Variants in KRT27 observed in about 807,000 individuals in gnomAD.
KRT27 encodes the protein keratin 27.
KRT27 carries 30 observed loss-of-function variants against 45.3 expected under a neutral mutation model. That is an observed-to-expected ratio of 0.66 (90% CI 0.50 to 0.90). The LOEUF (loss-of-function observed/expected upper bound fraction) is 0.90, where lower values mean the gene tolerates loss of function less well. KRT27 is among the 40% of genes least tolerant of loss of function. KRT27 has a pLI of 0.00. For missense variants in KRT27, 610 were observed against 564.3 expected, an observed-to-expected ratio of 1.08 and a Z score of -0.82; for synonymous variants, 204 against 223.9, an observed-to-expected ratio of 0.91 and a Z score of 0.79.
Position 40,782,039 on chromosome 17 carries a change from G to A in KRT27, c.444+11C>T, listed in dbSNP as rs1233083568. ...CAGGAGTGCTAACACTCACGCCATG[G>A]CGTTTCTTACCTGGTTCTTAAGTTC... On this transcript the variant is annotated intron_variant, in intron 1 of 7. Coordinates refer to ENST00000301656, the MANE Select transcript of KRT27 (RefSeq NM_181537.4). 6.2e-7 allele frequency: 1 copy of A among 1,602,984 alleles called. No homozygotes were observed. The highest frequency in any genetic ancestry group is 1.1e-5 in the South Asian group (1 of 90,548).
At chr17:40,777,871 A>G (rs2038278903) in intron 5 of KRT27, 139 bp from the exon 6 acceptor site, 1 of 839,934 alleles carries the variant, frequency 1.2e-6, no homozygotes, top group African/African-American at 1.7e-5. Flanking sequence ...CACTTCTTCA[A>G]TATTAATTGT....
Position 40,782,162 on chromosome 17 carries a change from T to A in KRT27, c.332A>T (p.Asp111Val). 1 of 1,614,196 alleles carries A rather than the reference T, an allele frequency of 6.2e-7. No individual in the cohort carries two copies. The highest frequency in any genetic ancestry group is 8.5e-7 in the Non-Finnish European group (1 of 1,180,032). ...NVRALEEANA[D>V]LEQKIKGWYE... ...CCACCCCTTGATCTTCTGCTCCAAG[T>A]CAGCGTTGGCCTCCTCTAGGGCTCG... The change falls in exon 1 of 8, where the codon GAC (aspartate) becomes GTC (valine). Residue 111 changes from aspartate to valine, a missense_variant. Coordinates refer to ENST00000301656, the MANE Select transcript of KRT27 (RefSeq NM_181537.4).
chr17:40,780,873 A>AATT (rs2038305987), intron 2 of KRT27, among the ~76,000 whole-genome samples: 1 of 150,858 alleles, frequency 6.6e-6, no homozygotes, highest in South Asian at 2.1e-4. Flanking sequence ...ATAAATAAAT[A>AATT]AATTAATTAA....
Position 40,782,050 on chromosome 17 carries a change from C to G in KRT27, c.444G>C (p.Gln148His). 6.2e-7 allele frequency: 1 copy of G among 1,607,898 alleles called. No homozygotes were observed. The highest frequency in any genetic ancestry group is 8.5e-7 in the Non-Finnish European group (1 of 1,179,450). ...YFPIIDELKN[Q>H]IISATTSNAH... Reference sequence around the variant, plus strand: ...ACACTCACGCCATGGCGTTTCTTACCTGGTTCTTAAGTTCGTCAATAATTG... The same window carrying G: ...ACACTCACGCCATGGCGTTTCTTACGTGGTTCTTAAGTTCGTCAATAATTG... Residue 148 changes from glutamine (Q) to histidine (H), a missense_variant and splice_region_variant, in exon 1 of 8, where the codon CAG becomes CAC. Physicochemically the swap from Gln to His is conservative, Grantham distance 24. Transcript: ENST00000301656.
chr17:40,777,409 A>G, intron 6 of KRT27, 106 bp downstream of exon 6: 3 of 1,518,754 alleles, frequency 2.0e-6, no homozygotes, highest in Non-Finnish European at 1.8e-6. Flanking sequence ...ACACTAAAAG[A>G]GTATTATCTA....
chr17:40,777,964 T>TA, intron 5 of KRT27: 1 of 540,978 alleles, frequency 1.8e-6, no homozygotes. Context: ...CCAGGTGTGC[T>TA]AAAAAAGATG....
At chr17:40,780,533 G>T in intron 2 of KRT27, 77 bp from the exon 3 acceptor site, 2 of 1,365,962 alleles carry the variant, frequency 1.5e-6, no homozygotes, top group Middle Eastern at 1.8e-4. Context: ...ATACAACTCA[G>T]ACTAAGCTTT....
Position 40,782,367 on chromosome 17 carries a change from T to A in KRT27, c.127A>T (p.Ser43Cys). The A allele has an allele frequency of 6.2e-7, 1 of 1,614,146 alleles. No individual in the cohort carries two copies. The highest frequency in any genetic ancestry group is 8.5e-7 in the Non-Finnish European group (1 of 1,180,024). The change falls in exon 1 of 8, where the codon AGT becomes TGT. Residue 43 changes from serine (S) to cysteine (C), a missense_variant. Ser to Cys is a moderately radical substitution (Grantham distance 112). Coordinates refer to ENST00000301656, the MANE Select transcript of KRT27 (RefSeq NM_181537.4). Reference sequence around the variant, plus strand: ...CCCCCAAAAGCACAAGAGAAGCCACTTCCAATGCCTGGCACACCGCATGTG... The same window carrying A: ...CCCCCAAAAGCACAAGAGAAGCCACATCCAATGCCTGGCACACCGCATGTG... The part of the protein sequence containing the change: ...GNTCGVPGIG[S>C]GFSCAFGGSS...
chr17:40,780,815 C>T (rs569487055), intron 2 of KRT27, among the ~76,000 whole-genome samples: 78 of 152,232 alleles, frequency 5.1e-4, no homozygotes, highest in Non-Finnish European at 9.0e-4. Flanking sequence ...CGCCACTGCA[C>T]TCCAGCCTGG....
At chr17:40,780,522 C>A in intron 2 of KRT27, 66 bp from the exon 3 acceptor site, 1 of 1,423,668 alleles carries the variant, frequency 7.0e-7, no homozygotes, top group Non-Finnish European at 9.7e-7. Flanking sequence ...TTTAGATCAT[C>A]ATACAACTCA....
Position 40,780,300 on chromosome 17 carries a change from C to A in KRT27, c.684G>T (p.Glu228Asp). The change falls in exon 3 of 8, where the codon GAG (glutamate) becomes GAT (aspartate). Residue 228 changes from glutamate (E) to aspartate (D), a missense_variant and splice_region_variant. Transcript: ENST00000301656. ...ELAYLKKNHEEEMKALQCAAG... is the reference protein window; with the variant it reads ...ELAYLKKNHEDEMKALQCAAG... ...AGAGCCAGCCGGGTGGAGCTTCTAC[C>A]TCCTCATGATTCTTCTTGAGGTAAG... 6.2e-7 allele frequency: 1 copy of A among 1,600,758 alleles called. No individual in the cohort carries two copies. The highest frequency in any genetic ancestry group is 1.1e-5 in the South Asian group (1 of 89,104).
Position 40,777,236 on chromosome 17 carries a change from A to T in KRT27, c.1240+17T>A. The T allele has an allele frequency of 6.2e-7, 1 of 1,613,610 alleles. No individual in the cohort carries two copies. The highest frequency in any genetic ancestry group is 2.2e-5 in the East Asian group (1 of 44,856). Reference sequence around the variant, plus strand: ...CATACAAATAAACACTGAATGCCTAACACAGCTTTTGTTTACCTTTTGTTT... The same window carrying T: ...CATACAAATAAACACTGAATGCCTATCACAGCTTTTGTTTACCTTTTGTTT... On this transcript the variant is annotated intron_variant, in intron 7 of 7. Transcript: ENST00000301656.
intron 5 of KRT27, 104 bp downstream of exon 5, chr17:40,779,398 T>C (rs1167464457): frequency 2.1e-6 from 3 of 1,414,500 alleles, no homozygotes; most frequent in South Asian, 1.4e-5. Context: ...GCACTGTAAT[T>C]AATGGTTAAA....
rs757197359 is a variant in KRT27 at position 40,777,752 on chromosome 17, G to A, written c.973-20C>T. The A allele has an allele frequency of 1.2e-6, 2 of 1,609,918 alleles. No homozygotes were observed. The highest frequency in any genetic ancestry group is 1.7e-6 in the Non-Finnish European group (2 of 1,176,534). On this transcript the variant is annotated intron_variant, in intron 5 of 7. Transcript: ENST00000301656. The stretch of plus-strand genomic sequence containing the variant: ...GTGTTTCTGTAGTTTGGTAAGACAT[G>A]GTTTAATAGAAAAGGTCACGGTGTT...
At chr17:40,778,176 G>C (rs538561423) in intron 5 of KRT27, among the ~76,000 whole-genome samples, 4 of 152,200 alleles carry the variant, frequency 2.6e-5, no homozygotes, top group Non-Finnish European at 5.9e-5. Flanking sequence ...GCAGTAAACC[G>C]CATAAACGTT....
chr17:40,778,482 C>A (rs1178442735), intron 5 of KRT27, among the ~76,000 whole-genome samples: 1 of 152,204 alleles, frequency 6.6e-6, no homozygotes, highest in African/African-American at 2.4e-5. Flanking sequence ...GAGAGAACTT[C>A]TGGATTCCTT....
intron 5 of KRT27, chr17:40,778,161 A>T (rs4890132): frequency 0.32 from 54,194 of 170,258 alleles, 10,561 homozygotes; most frequent in East Asian, 0.64. Flanking sequence ...TTAAAAAGTC[A>T]TCCTGCAGTA....
intron 5 of KRT27, among the ~76,000 whole-genome samples, chr17:40,778,902 C>T (rs2038286623): frequency 6.6e-6 from 1 of 151,670 alleles, no homozygotes; most frequent in African/African-American, 2.4e-5. Context: ...AATTATATTT[C>T]AAAACACACA....
rs1178640287 is a variant in KRT27 at position 40,779,625 on chromosome 17, G to T, written c.849C>A (p.Ser283Arg). ...RDAEAWFNEK[S>R]ASLQQQISDD... ...CAGAGATCTGCTGCTGCAGCGAGGC[G>T]CTCTGGAACGGCAGGGGCCGCGTTA... The change falls in exon 5 of 8, where the codon AGC becomes AGA. Residue 283 changes from serine to arginine, a missense_variant and splice_region_variant. By Grantham distance (110) the Ser-to-Arg change is moderately radical. Coordinates refer to ENST00000301656, the MANE Select transcript of KRT27 (RefSeq NM_181537.4). The T allele has an allele frequency of 6.2e-7, 1 of 1,614,170 alleles. No homozygotes were observed. The highest frequency in any genetic ancestry group is 1.1e-5 in the South Asian group (1 of 91,084).
Sources: allele counts gnomAD v4.1 joint callset (sites outside exome capture counted in the v4.1 genomes callset), GRCh38; gene constraint gnomAD v4.1.1; transcripts MANE v1.5; gene names NCBI Gene and HGNC (gene_info 2026-07-23, HGNC 2026-07-21).